TMTC2: variants seen among roughly 807,000 people sequenced by gnomAD.
TMTC2 encodes the protein transmembrane O-mannosyltransferase targeting cadherins 2.
A neutral mutation model predicts 82.4 loss-of-function variants in TMTC2; 43 were observed. The observed-to-expected ratio is 0.52, with a 90% CI of 0.41 to 0.67. TMTC2 has a LOEUF of 0.67. Ranked by LOEUF, TMTC2 falls within the 30% of genes least tolerant of loss-of-function variation. The pLI is 0.00. For missense variants in TMTC2, 919 were observed against 1,012.4 expected, an observed-to-expected ratio of 0.91 and a Z score of 1.25; for synonymous variants, 408 against 381.9, an observed-to-expected ratio of 1.07 and a Z score of -0.80.
intron 4 of TMTC2, among the ~76,000 whole-genome samples, chr12:82,937,054 T>G (rs959437417): frequency 6.6e-6 from 1 of 152,214 alleles, no homozygotes; most frequent in African/African-American, 2.4e-5. Context: ...CTTTCTTGAA[T>G]TGGACATTTG....
intron 3 of TMTC2, among the ~76,000 whole-genome samples, chr12:82,923,739 T>C (rs1033477750): frequency 2.6e-5 from 4 of 152,210 alleles, no homozygotes; most frequent in Non-Finnish European, 5.9e-5. Context: ...TAAATGATGC[T>C]AAAATATTGA....
At chr12:82,825,018 G>A (rs1276941365) in intron 1 of TMTC2, among the ~76,000 whole-genome samples, 1 of 151,732 alleles carries the variant, frequency 6.6e-6, no homozygotes, top group Non-Finnish European at 1.5e-5. Flanking sequence ...GAACCCGGAA[G>A]TTGGAGGTTG....
intron 4 of TMTC2, among the ~76,000 whole-genome samples, chr12:82,953,745 C>A (rs1010671753): frequency 1.3e-5 from 2 of 151,866 alleles, no homozygotes; most frequent in Admixed American, 6.6e-5. Context: ...AATATGACTG[C>A]AACCAATGTT....
chr12:83,102,139 G>T (rs1294781506), intron 11 of TMTC2, among the ~76,000 whole-genome samples: 1 of 152,174 alleles, frequency 6.6e-6, no homozygotes, highest in Non-Finnish European at 1.5e-5. Flanking sequence ...GCCTGGGAAT[G>T]CATTTGCCCC....
intron 1 of TMTC2, among the ~76,000 whole-genome samples, chr12:82,829,469 A>T (rs1592556411): frequency 6.6e-6 from 1 of 152,320 alleles, no homozygotes; most frequent in Middle Eastern, 3.4e-3. Flanking sequence ...TTCATTTAAA[A>T]GAGAATTTAC....
chr12:82,867,648 GA>G (rs942057256), intron 2 of TMTC2, among the ~76,000 whole-genome samples: 2 of 151,864 alleles, frequency 1.3e-5, no homozygotes, highest in Admixed American at 6.6e-5. Flanking sequence ...TTTAAGAACT[GA>G]AAAAAAGATT....
At chr12:82,726,588 T>C (rs12422242) in intron 1 of TMTC2, among the ~76,000 whole-genome samples, 14 of 152,212 alleles carry the variant, frequency 9.2e-5, no homozygotes, top group Admixed American at 9.2e-4. Flanking sequence ...AGCTAGAAAG[T>C]GGCAAAGCCA....
At chr12:83,127,844 C>T (rs1885142660) in intron 11 of TMTC2, among the ~76,000 whole-genome samples, 1 of 152,068 alleles carries the variant, frequency 6.6e-6, no homozygotes, top group Non-Finnish European at 1.5e-5. Context: ...CATATTTCCT[C>T]CACAGTTGAA....
At chr12:82,849,787 C>G (rs977918751) in intron 1 of TMTC2, among the ~76,000 whole-genome samples, 1 of 152,100 alleles carries the variant, frequency 6.6e-6, no homozygotes, top group African/African-American at 2.4e-5. Flanking sequence ...CAGTATAGTA[C>G]TAGCTTCAGG....
chr12:83,089,967 G>A (rs1883790788), intron 11 of TMTC2, among the ~76,000 whole-genome samples: 1 of 152,136 alleles, frequency 6.6e-6, no homozygotes, highest in African/African-American at 2.4e-5. Context: ...GAGCTTATGG[G>A]CTCCAACTTG....
chr12:82,910,707 C>T (rs1371708589), intron 3 of TMTC2, among the ~76,000 whole-genome samples: 1 of 152,146 alleles, frequency 6.6e-6, no homozygotes, highest in Non-Finnish European at 1.5e-5. Flanking sequence ...CCAGCCTGGG[C>T]TCTCCTCTGA....
At chr12:83,009,513 G>T (rs1174830072) in intron 8 of TMTC2, among the ~76,000 whole-genome samples, 1 of 152,080 alleles carries the variant, frequency 6.6e-6, no homozygotes, top group Non-Finnish European at 1.5e-5. Flanking sequence ...ATTGTAGGGT[G>T]GTGGCTTGCC....
chr12:82,715,195 G>A (rs374477224), intron 1 of TMTC2, among the ~76,000 whole-genome samples: 1 of 151,402 alleles, frequency 6.6e-6, no homozygotes, highest in African/African-American at 2.4e-5. Flanking sequence ...GCTTGAACCC[G>A]AGAGGTGGAG....
chr12:82,830,366 G>A (rs116448251), intron 1 of TMTC2, among the ~76,000 whole-genome samples: 113 of 151,918 alleles, frequency 7.4e-4, no homozygotes, highest in Middle Eastern at 3.4e-3. Context: ...CTGCAATGCA[G>A]GTGTAGCTGT....
At chr12:82,694,314 A>G (rs1872699381) in intron 1 of TMTC2, among the ~76,000 whole-genome samples, 2 of 151,976 alleles carry the variant, frequency 1.3e-5, no homozygotes, top group Non-Finnish European at 2.9e-5. Flanking sequence ...ATTATATGGA[A>G]AAAAGGTGAG....
chr12:82,728,058 C>T (rs1339369817), intron 1 of TMTC2, among the ~76,000 whole-genome samples: 1 of 152,148 alleles, frequency 6.6e-6, no homozygotes, highest in Non-Finnish European at 1.5e-5. Flanking sequence ...TTACACTGTT[C>T]TTCCTGTGGT....
At chr12:82,732,917 G>C (rs1172190139) in intron 1 of TMTC2, among the ~76,000 whole-genome samples, 1 of 152,176 alleles carries the variant, frequency 6.6e-6, no homozygotes, top group East Asian at 1.9e-4. Context: ...TGTTGTAAGG[G>C]AGTTCCAAAG....
chr12:82,709,119 G>GT (rs1873509509), intron 1 of TMTC2, among the ~76,000 whole-genome samples: 1 of 148,952 alleles, frequency 6.7e-6, no homozygotes, highest in Admixed American at 6.8e-5. Flanking sequence ...AAAAAGCCAT[G>GT]TTTTTGCCGT....
intron 4 of TMTC2, among the ~76,000 whole-genome samples, chr12:82,936,371 A>T (rs558608349): frequency 6.6e-6 from 1 of 152,158 alleles, no homozygotes; most frequent in African/African-American, 2.4e-5. Flanking sequence ...TATCTGACTA[A>T]ATTTAACACA....
Sources: gnomAD v4.1 joint callset for allele counts (sites outside exome capture counted in the v4.1 genomes callset) on GRCh38, gnomAD v4.1.1 for gene constraint, MANE v1.5 for transcripts, NCBI Gene and HGNC (gene_info 2026-07-23, HGNC 2026-07-21) for gene names.